C10orf88: variants seen among roughly 807,000 people sequenced by gnomAD.
C10orf88 encodes ATPase PAAT.
C10orf88 carries 29 observed loss-of-function variants against 34.2 expected under a neutral mutation model. The ratio of observed to expected loss-of-function variants is 0.85; its 90% CI spans 0.63 to 1.16. C10orf88 has a LOEUF of 1.16. C10orf88 is among the 50% of genes most tolerant of loss of function. C10orf88 has a pLI of 0.00. For missense variants in C10orf88, 507 were observed against 533.2 expected (o/e 0.95, Z 0.48); for synonymous variants, 194 against 197.4 (o/e 0.98, Z 0.15).
chr10:122,940,033 C>T (rs1848569160), intron 4 of C10orf88, among the ~76,000 whole-genome samples: 1 of 151,942 alleles, frequency 6.6e-6, no homozygotes, highest in Non-Finnish European at 1.5e-5. Context: ...TATGATCTAA[C>T]AATCCCACTT....
chr10:122,932,217 C>T lies in C10orf88; in HGVS notation c.*210G>A. The T allele has an allele frequency of 2.4e-6, 1 of 422,414 alleles. No individual in the cohort carries two copies. The highest frequency in any genetic ancestry group is 4.2e-6 in the Non-Finnish European group (1 of 237,740). 26.2% of individuals were successfully genotyped at this position (422,414 alleles called of 1,614,324 possible). A position where few individuals can be genotyped will look rare whatever the true frequency, so the allele number is the denominator to read the frequency against. On this transcript the variant is annotated 3_prime_UTR_variant, in exon 6 of 6. Coordinates refer to ENST00000481909, the MANE Select transcript of C10orf88 (RefSeq NM_024942.4). ...CTGTAAGACTGAAAAATATCGTGAG[C>T]AAAAATAATTTGACTGTATCATATT...
At chr10:122,950,695 C>G (rs574913349) in intron 3 of C10orf88, among the ~76,000 whole-genome samples, 69 of 152,250 alleles carry the variant, frequency 4.5e-4, no homozygotes, top group African/African-American at 1.3e-3. Flanking sequence ...AGAATACAAG[C>G]AACATAAGTT....
intron 4 of C10orf88, 131 bp from the exon 5 acceptor site, chr10:122,938,290 A>G: frequency 1.3e-6 from 1 of 768,758 alleles, no homozygotes; most frequent in East Asian, 2.7e-5. Context: ...GTAGGCCACT[A>G]ATACTATCCC....
intron 3 of C10orf88, among the ~76,000 whole-genome samples, chr10:122,949,503 G>A (rs1564722994): frequency 6.6e-6 from 1 of 152,178 alleles, no homozygotes; most frequent in Non-Finnish European, 1.5e-5. Context: ...TGGCTAGTAA[G>A]TGGCTAATGG....
chr10:122,937,960 G>A lies in C10orf88; in HGVS notation c.848C>T (p.Pro283Leu), dbSNP rs746758905. 1.5e-5 allele frequency: 24 copies of A among 1,613,402 alleles called. No individual in the cohort carries two copies. The highest frequency in any genetic ancestry group is 1.9e-5 in the Non-Finnish European group (23 of 1,179,536). The change falls in exon 5 of 6, where the codon CCT becomes CTT. Residue 283 changes from proline to leucine, a missense_variant. Coordinates refer to ENST00000481909, the MANE Select transcript of C10orf88 (RefSeq NM_024942.4). ...QTYIDKSTQL[P>L]GGENSTKLDE... ...AAGCTTGGTAGAATTCTCTCCACCA[G>A]GCAGTTGTGTACTTTTATCAATGTA...
rs1029066894 is a variant in C10orf88 at position 122,931,709 on chromosome 10, A to G, written c.*718T>C. The stretch of plus-strand genomic sequence containing the variant: ...GGATTCTGGGGAAAAAACCTGTATC[A>G]GCTCAAAAGGAGAGGTTTTCTTAAA... On this transcript the variant is annotated 3_prime_UTR_variant, in exon 6 of 6. Transcript: ENST00000481909. 2 of 152,320 alleles carry G rather than the reference A, an allele frequency of 1.3e-5. No homozygotes were observed. The highest frequency in any genetic ancestry group is 6.5e-5 in the Admixed American group (1 of 15,288). 9.4% of individuals were successfully genotyped at this position (152,320 alleles called of 1,614,324 possible).
At chr10:122,944,824 T>G (rs996323277) in intron 4 of C10orf88, among the ~76,000 whole-genome samples, 3 of 151,244 alleles carry the variant, frequency 2.0e-5, no homozygotes, top group Admixed American at 1.3e-4. Flanking sequence ...CCTCTTTATC[T>G]CTAAACTTGA....
intron 4 of C10orf88, among the ~76,000 whole-genome samples, chr10:122,945,631 G>A (rs1001309695): frequency 6.6e-6 from 1 of 151,242 alleles, no homozygotes; most frequent in African/African-American, 2.4e-5. Context: ...TTTGTTTTAA[G>A]CAAAAAAGTT....
intron 4 of C10orf88, among the ~76,000 whole-genome samples, chr10:122,942,962 C>T (rs764442025): frequency 4.2e-3 from 627 of 149,220 alleles, no homozygotes; most frequent in Non-Finnish European, 6.5e-3. Context: ...AGGTAATTTA[C>T]AGATTCAATG....
intron 4 of C10orf88, among the ~76,000 whole-genome samples, chr10:122,939,616 T>G (rs549686025): frequency 6.6e-5 from 10 of 151,948 alleles, no homozygotes; most frequent in Non-Finnish European, 1.5e-4. Context: ...ATTTAAATAT[T>G]CCTGGAATAA....
chr10:122,932,345 T>A lies in C10orf88; in HGVS notation c.*82A>T, dbSNP rs1821929428. ...GATCCCTCAAAGGACATTAAATACT[T>A]GCTTTTTATAAATATTTTTGGGTTT... On this transcript the variant is annotated 3_prime_UTR_variant, in exon 6 of 6. Transcript: ENST00000481909. 3 of 1,193,384 alleles carry A rather than the reference T, an allele frequency of 2.5e-6. No individual in the cohort carries two copies. Among genetic ancestry groups the A allele is most frequent in the Non-Finnish European group, 3.5e-6 (3 of 854,810 alleles). 73.9% of individuals were successfully genotyped at this position (1,193,384 alleles called of 1,614,324 possible).
intron 5 of C10orf88, among the ~76,000 whole-genome samples, chr10:122,935,228 T>C (rs1338277195): frequency 6.6e-6 from 1 of 152,060 alleles, no homozygotes; most frequent in Non-Finnish European, 1.5e-5. Flanking sequence ...ATCTGAGAAC[T>C]CATTTCCTAG....
chr10:122,952,971 A>G lies in C10orf88; in HGVS notation c.226T>C (p.Tyr76His), dbSNP rs1848705897. ...CCTCCATCAGGGCCACACCTCAGGTAAAGGAAGCAGGGGTTTTCATCTTTG... is the reference window on the plus strand; with the variant it reads ...CCTCCATCAGGGCCACACCTCAGGTGAAGGAAGCAGGGGTTTTCATCTTTG... ...NNKDENPCFL[Y>H]LRCGPDGGEE... The change falls in exon 2 of 6, where the codon TAC becomes CAC. Residue 76 changes from tyrosine to histidine, a missense_variant. Transcript: ENST00000481909. 6.2e-7 allele frequency: 1 copy of G among 1,614,070 alleles called. No individual in the cohort carries two copies. The highest frequency in any genetic ancestry group is 1.7e-5 in the Admixed American group (1 of 60,004).
In C10orf88 at chr10:122,930,904, A is replaced by G. The variant is rs1360521987; in HGVS notation, c.*1523T>C. 1 of 152,238 alleles carries G rather than the reference A, an allele frequency of 6.6e-6. No homozygotes were observed. Among genetic ancestry groups the G allele is most frequent in the Non-Finnish European group, 1.5e-5 (1 of 68,038 alleles). 9.4% of individuals were successfully genotyped at this position (152,238 alleles called of 1,614,324 possible). A position where few individuals can be genotyped will look rare whatever the true frequency, so the allele number is the denominator to read the frequency against. ...AAGCCAATACGTGAAACCAAAAAAG[A>G]GTGACAAACACTGCAGGTTTTATTC... On this transcript the variant is annotated 3_prime_UTR_variant, in exon 6 of 6. Transcript: ENST00000481909.
intron 4 of C10orf88, among the ~76,000 whole-genome samples, chr10:122,947,126 T>C (rs1452683469): frequency 6.6e-6 from 1 of 152,086 alleles, no homozygotes; most frequent in African/African-American, 2.4e-5. Context: ...GGTGGGCCAG[T>C]TAGGAATCTC....
In C10orf88 at chr10:122,951,875, A is replaced by C. The variant is rs996543503; in HGVS notation, c.441+79T>G. On this transcript the variant is annotated intron_variant, in intron 3 of 5. Coordinates refer to ENST00000481909, the MANE Select transcript of C10orf88 (RefSeq NM_024942.4). ...GCAAGCAAGTTGGACTAATTGTATTACTAATCCAAAAGAAAACAAGCATAC... is the reference window on the plus strand; with the variant it reads ...GCAAGCAAGTTGGACTAATTGTATTCCTAATCCAAAAGAAAACAAGCATAC... 5.7e-6 allele frequency: 5 copies of C among 872,056 alleles called. No individual in the cohort carries two copies. In the African/African-American group the frequency reaches 6.9e-5, roughly 12 times the overall value. The allele number at this position is 872,056 out of a possible 1,614,324, so 54.0% of individuals were successfully genotyped here. A position where few individuals can be genotyped will look rare whatever the true frequency, so the allele number is the denominator to read the frequency against.
chr10:122,937,003 G>T (rs1364516365), intron 5 of C10orf88, among the ~76,000 whole-genome samples: 4 of 151,876 alleles, frequency 2.6e-5, no homozygotes, highest in Non-Finnish European at 4.4e-5. Flanking sequence ...GTTGGTGGTG[G>T]CGTTTAGTTA....
intron 5 of C10orf88, among the ~76,000 whole-genome samples, chr10:122,934,195 T>A (rs1307783995): frequency 1.3e-5 from 2 of 152,140 alleles, no homozygotes; most frequent in Non-Finnish European, 2.9e-5. Context: ...ACCAGGAAAT[T>A]GATATTAATA....
Position 122,938,004 on chromosome 10 carries a change from C to A in C10orf88, c.804G>T (p.Val268=). Residue 268 remains valine (V), a synonymous_variant, in exon 5 of 6, where the codon GTG becomes GTT. Coordinates refer to ENST00000481909, the MANE Select transcript of C10orf88 (RefSeq NM_024942.4). ...PFRTGLTSGN[V]TENLQTYIDK... is the part of the protein sequence containing the mutation. ...CAATGTAAGTTTGTAAGTTTTCAGT[C>A]ACGTTCCCAGATGTCAATCCAGTTC... The A allele has an allele frequency of 4.3e-6, 7 of 1,613,360 alleles. No homozygotes were observed. Among genetic ancestry groups the A allele is most frequent in the Non-Finnish European group, 5.1e-6 (6 of 1,179,512 alleles).
Sources: allele counts gnomAD v4.1 joint callset (sites outside exome capture counted in the v4.1 genomes callset), GRCh38; gene constraint gnomAD v4.1.1; transcripts MANE v1.5; gene names NCBI Gene and HGNC (gene_info 2026-07-23, HGNC 2026-07-21).